MECOM: variants seen among roughly 807,000 people sequenced by gnomAD.
MECOM encodes the protein MDS1 and EVI1 complex locus, also known as histone-lysine N-methyltransferase MECOM.
A neutral mutation model predicts 116.3 loss-of-function variants in MECOM; 13 were observed. The observed-to-expected ratio is 0.11, with a 90% CI of 0.07 to 0.18. The LOEUF (loss-of-function observed/expected upper bound fraction) is 0.18. Among genes scored for constraint, MECOM ranks in the 10% least tolerant of loss-of-function variants. MECOM has a pLI of 1.00. For synonymous variants in MECOM, 528 were observed against 535.2 expected (o/e 0.99, Z 0.19); for missense variants, 1,299 against 1,509.0 (o/e 0.86, Z 2.31).
intron 2 of MECOM, among the ~76,000 whole-genome samples, chr3:169,295,492 G>C (rs1715415666): frequency 6.6e-6 from 1 of 152,146 alleles, no homozygotes; most frequent in South Asian, 2.1e-4. Context: ...ATACAATATA[G>C]TATTTCAAAG....
chr3:169,242,180 A>G (rs1239158196), intron 2 of MECOM, among the ~76,000 whole-genome samples: 1 of 152,132 alleles, frequency 6.6e-6, no homozygotes, highest in African/African-American at 2.4e-5. Context: ...AGACCACGAG[A>G]GGAGCCTTCT....
chr3:169,229,485 C>T (rs189952592), intron 2 of MECOM, among the ~76,000 whole-genome samples: 8 of 152,082 alleles, frequency 5.3e-5, no homozygotes, highest in Admixed American at 6.5e-5. Context: ...ATGGAGGGGC[C>T]GAGGTTACTA....
chr3:169,636,426 T>C (rs1021400925), intron 1 of MECOM, among the ~76,000 whole-genome samples: 3 of 152,140 alleles, frequency 2.0e-5, no homozygotes, highest in Non-Finnish European at 2.9e-5. Context: ...ATATTTTTCA[T>C]GTAATAGAAA....
intron 1 of MECOM, among the ~76,000 whole-genome samples, chr3:169,510,795 A>G (rs968312438): frequency 6.6e-6 from 1 of 152,178 alleles, no homozygotes; most frequent in African/African-American, 2.4e-5. Flanking sequence ...TTTTCATCCA[A>G]TCTGCTAAAT....
intron 1 of MECOM, among the ~76,000 whole-genome samples, chr3:169,537,854 G>A (rs983910004): frequency 6.6e-6 from 1 of 152,046 alleles, no homozygotes; most frequent in Admixed American, 6.5e-5. Flanking sequence ...TGATAATACT[G>A]GGATTTAACA....
At position 169,187,554 on chromosome 3, in the gene MECOM, G is replaced by A. The variant is rs527238386; in HGVS notation, c.376-43722C>T. Among the ~76,000 whole-genome samples the A allele has an allele frequency of 1.4e-4, 21 of 152,186 alleles. No homozygotes were observed. The South Asian group carries it at 2.1e-3, about 15-fold the overall frequency. ...TTCTGAACAGAACCCTAAAAAGTAG[G>A]ATGGAGAGGGGAAAAATAAAGAAAT... On this transcript the variant is annotated intron_variant, in intron 2 of 16. Transcript: ENST00000651503.
At chr3:169,305,300 T>C (rs12487951) in intron 2 of MECOM, among the ~76,000 whole-genome samples, 5,035 of 152,188 alleles carry the variant, frequency 0.033, 122 homozygotes, top group Middle Eastern at 0.065. Context: ...AATCTCATGA[T>C]ATAAGGAGGT....
intron 1 of MECOM, among the ~76,000 whole-genome samples, chr3:169,419,096 C>T (rs944443479): frequency 1.3e-5 from 2 of 152,042 alleles, no homozygotes; most frequent in Non-Finnish European, 2.9e-5. Context: ...TCCTATACAC[C>T]AATAATAGAC....
chr3:169,178,453 A>G (rs184767708), intron 2 of MECOM, among the ~76,000 whole-genome samples: 160 of 152,320 alleles, frequency 1.1e-3, no homozygotes, highest in African/African-American at 3.8e-3. Flanking sequence ...TTAGTTTCTC[A>G]GAGTCCATCC....
chr3:169,094,965 C>G, intron 13 of MECOM, 111 bp downstream of exon 13: 1 of 945,494 alleles, frequency 1.1e-6, no homozygotes, highest in Non-Finnish European at 1.5e-6. Context: ...TACAATAAGA[C>G]CTGATTTTGG....
At chr3:169,253,447 C>G (rs1756480907) in intron 2 of MECOM, among the ~76,000 whole-genome samples, 1 of 149,596 alleles carries the variant, frequency 6.7e-6, no homozygotes, top group Admixed American at 6.7e-5. Context: ...GTTTTGAATA[C>G]ACAGCAATAG....
intron 2 of MECOM, among the ~76,000 whole-genome samples, chr3:169,148,695 A>T (rs1740584536): frequency 6.6e-6 from 1 of 152,216 alleles, no homozygotes; most frequent in Admixed American, 6.5e-5. Flanking sequence ...ACGGGATAAC[A>T]CAAGTGCCAC....
chr3:169,240,336 C>T (rs1467147161), intron 2 of MECOM, among the ~76,000 whole-genome samples: 1 of 152,168 alleles, frequency 6.6e-6, no homozygotes, highest in Non-Finnish European at 1.5e-5. Context: ...TGGGTTTCAG[C>T]CTCATTCCCC....
chr3:169,305,429 C>T lies in MECOM; in HGVS notation c.375+75758G>A, dbSNP rs527391037. On this transcript the variant is annotated intron_variant, in intron 2 of 16. Coordinates refer to ENST00000651503, the MANE Select transcript of MECOM (RefSeq NM_004991.4). ...ATTGTGGGGGCTGGAAAAAAAATCC[C>T]AACACAAGGAAGCCCAAAGCACTTT... 1.0e-3 allele frequency among the ~76,000 whole-genome samples: 154 copies of T among 152,174 alleles called. 1 individual carries two copies. The highest frequency in any genetic ancestry group is 3.5e-3 in the African/African-American group (146 of 41,508).
At chr3:169,210,088 C>T (rs1750515924) in intron 2 of MECOM, among the ~76,000 whole-genome samples, 1 of 152,086 alleles carries the variant, frequency 6.6e-6, no homozygotes, top group African/African-American at 2.4e-5. Flanking sequence ...TCATCTTCAG[C>T]AAACTAACAC....
At chr3:169,114,188 G>A (rs1728365757) in intron 8 of MECOM, among the ~76,000 whole-genome samples, 1 of 152,144 alleles carries the variant, frequency 6.6e-6, no homozygotes, top group African/African-American at 2.4e-5. Flanking sequence ...AAACACGGAA[G>A]ACATGTTTTT....
chr3:169,341,430 T>C (rs1339973142), intron 2 of MECOM, among the ~76,000 whole-genome samples: 3 of 75,394 alleles, frequency 4.0e-5, no homozygotes, highest in African/African-American at 7.2e-5. Flanking sequence ...GTTAATAGGT[T>C]CAAAAAAAAA....
At chr3:169,523,818 T>TAC (rs1174059032) in intron 1 of MECOM, among the ~76,000 whole-genome samples, 1 of 151,526 alleles carries the variant, frequency 6.6e-6, no homozygotes, top group Non-Finnish European at 1.5e-5. Context: ...ATTATATATA[T>TAC]ACACACATAT....
At chr3:169,463,238 A>C (rs1398273914) in intron 1 of MECOM, among the ~76,000 whole-genome samples, 1 of 152,186 alleles carries the variant, frequency 6.6e-6, no homozygotes, top group Non-Finnish European at 1.5e-5. Context: ...GGAAGGATTA[A>C]GCAGAGATTC....
Sources: allele counts gnomAD v4.1 joint callset (sites outside exome capture counted in the v4.1 genomes callset), GRCh38; gene constraint gnomAD v4.1.1; transcripts MANE v1.5; gene names NCBI Gene and HGNC (gene_info 2026-07-23, HGNC 2026-07-21).